Variants in H2AZ1 observed in about 807,000 individuals in gnomAD.
H2AZ1 encodes the protein histone H2A.Z.
A neutral mutation model predicts 16.6 loss-of-function variants in H2AZ1; 3 were observed. The ratio of observed to expected loss-of-function variants is 0.18; its 90% CI spans 0.08 to 0.47. The LOEUF (loss-of-function observed/expected upper bound fraction) is 0.47, where lower values mean the gene tolerates loss of function less well. Among genes scored for constraint, H2AZ1 ranks in the 20% least tolerant of loss-of-function variants. The pLI is 0.98. For missense variants in H2AZ1, 27 were observed against 163.6 expected, an observed-to-expected ratio of 0.17 and a Z score of 4.55; for synonymous variants, 78 against 60.7, an observed-to-expected ratio of 1.28 and a Z score of -1.32.
intron 3 of H2AZ1, 86 bp from the exon 4 acceptor site, chr4:99,949,026 C>G: frequency 1.2e-6 from 1 of 829,072 alleles, no homozygotes; most frequent in Non-Finnish European, 2.1e-6. Flanking sequence ...AAACGCAGAT[C>G]TACCAACTGG....
chr4:99,948,961 G>A, intron 3 of H2AZ1, 21 bp from the exon 4 acceptor site: 1 of 1,401,348 alleles, frequency 7.1e-7, no homozygotes, highest in Middle Eastern at 1.8e-4. Flanking sequence ...GAATCTGTCA[G>A]TTGCCTTCCA....
Position 99,950,152 on chromosome 4 carries a change from T to C in H2AZ1, c.3+16A>G, listed in dbSNP as rs1191391436. The C allele has an allele frequency of 6.2e-7, 1 of 1,608,692 alleles. No homozygotes were observed. The highest frequency in any genetic ancestry group is 1.3e-5 in the African/African-American group (1 of 74,940). ...CAAAAACCCGCGGAGTCATCGAGCGTCTCTGCGAAGTTTACCATTTCGAAT... is the reference window on the plus strand; with the variant it reads ...CAAAAACCCGCGGAGTCATCGAGCGCCTCTGCGAAGTTTACCATTTCGAAT... On this transcript the variant is annotated intron_variant, in intron 1 of 4. Transcript: ENST00000296417.
In H2AZ1 at chr4:99,948,805, A is replaced by C; in HGVS notation, c.325+6T>G. ...AAATTTTTTAAAATGTTAGAAGTTA[A>C]CATACCACCACCAGCAATTGTAGCC... On this transcript the variant is annotated splice_donor_region_variant and intron_variant, in intron 4 of 4. Transcript: ENST00000296417. The C allele has an allele frequency of 6.2e-7, 1 of 1,602,146 alleles. No individual in the cohort carries two copies. The highest frequency in any genetic ancestry group is 8.5e-7 in the Non-Finnish European group (1 of 1,174,510).
intron 1 of H2AZ1, 30 bp from the exon 2 acceptor site, chr4:99,949,770 G>A (rs755278613): frequency 1.2e-5 from 18 of 1,562,874 alleles, no homozygotes; most frequent in Middle Eastern, 2.2e-4. Context: ...GCGAGCGGAG[G>A]AGGAACGGAG....
Position 99,948,489 on chromosome 4 carries a change from C to T in H2AZ1, c.360G>A (p.Gly120=). 6.2e-7 allele frequency: 1 copy of T among 1,601,596 alleles called. No homozygotes were observed. The highest frequency in any genetic ancestry group is 2.2e-5 in the East Asian group (1 of 44,786). ...AGACAGTCTTCTGTTGTCCTTTCTT[C>T]CCAATCAGAGATTTGTGGATGTGTG... The part of the protein sequence containing the change: ...VIPHIHKSLI[G]KKGQQKTV The change falls in exon 5 of 5, where the codon GGG becomes GGA. Residue 120 remains glycine, a synonymous_variant. Coordinates refer to ENST00000296417, the MANE Select transcript of H2AZ1 (RefSeq NM_002106.4).
At chr4:99,949,569 C>A (rs767522659) in intron 2 of H2AZ1, 94 bp downstream of exon 2, 132 of 1,201,884 alleles carry the variant, frequency 1.1e-4, no homozygotes, top group Non-Finnish European at 1.5e-4. Flanking sequence ...ATCACCCACG[C>A]ATACACAAAA....
At chr4:99,950,007 C>T in intron 1 of H2AZ1, 161 bp downstream of exon 1, 1 of 594,746 alleles carries the variant, frequency 1.7e-6, no homozygotes, top group Non-Finnish European at 2.9e-6. Flanking sequence ...AGATCCGAGG[C>T]TGCTCCGCTA....
chr4:99,949,205 C>T, intron 3 of H2AZ1, 68 bp downstream of exon 3: 2 of 932,370 alleles, frequency 2.1e-6, no homozygotes, highest in Non-Finnish European at 3.4e-6. Context: ...GCATCACTTT[C>T]CTCCTTCCCT....
In H2AZ1 at chr4:99,948,264, T is replaced by C; in HGVS notation, c.*198A>G. On this transcript the variant is annotated 3_prime_UTR_variant, in exon 5 of 5. Transcript: ENST00000296417. The stretch of plus-strand genomic sequence containing the variant: ...ATCAATAGCTTCTTTGAAGCCACAG[T>C]AACACTTAAATATGGTTAAGACTCG... 1 of 714,722 alleles carries C rather than the reference T, an allele frequency of 1.4e-6. No homozygotes were observed. Among genetic ancestry groups the C allele is most frequent in the Non-Finnish European group, 2.6e-6 (1 of 387,550 alleles). The allele number at this position is 714,722 out of a possible 1,614,324, so 44.3% of individuals were successfully genotyped here. A position where few individuals can be genotyped will look rare whatever the true frequency, so the allele number is the denominator to read the frequency against.
At position 99,949,157 on chromosome 4, in the gene H2AZ1, T is replaced by A. The variant is rs1013897392; in HGVS notation, c.195+116A>T. 3 of 680,914 alleles carry A rather than the reference T, an allele frequency of 4.4e-6. No homozygotes were observed. In the African/African-American group the frequency reaches 5.4e-5, roughly 12 times the overall value. 42.2% of individuals were successfully genotyped at this position (680,914 alleles called of 1,614,324 possible). ...ACACCAGCTCCCTCTAGCGTTCTCT[T>A]AGGCCTCTCGCCGCGTTCAGGGCCT... is the stretch of plus-strand genomic sequence containing the variant. On this transcript the variant is annotated intron_variant, in intron 3 of 4. Coordinates refer to ENST00000296417, the MANE Select transcript of H2AZ1 (RefSeq NM_002106.4).
Position 99,949,755 on chromosome 4 carries a change from C to G in H2AZ1, c.4-15G>C, listed in dbSNP as rs1303156633. On this transcript the variant is annotated splice_polypyrimidine_tract_variant and intron_variant, in intron 1 of 4. Transcript: ENST00000296417. ...TTACCGCCAGCCTGCGGCGCGCACA[C>G]GCCCGCGAGCGGAGGAGGAACGGAG... The G allele has an allele frequency of 6.3e-7, 1 of 1,597,684 alleles. No homozygotes were observed. Among genetic ancestry groups the G allele is most frequent in the Admixed American group, 1.7e-5 (1 of 57,928 alleles).
intron 1 of H2AZ1, 118 bp from the exon 2 acceptor site, chr4:99,949,858 G>C: frequency 4.0e-6 from 2 of 494,670 alleles, no homozygotes; most frequent in Non-Finnish European, 6.0e-6. Context: ...GCACCCTGCC[G>C]GGGTCTCCGG....
In H2AZ1 at chr4:99,948,286, C is replaced by G. The variant is rs529141527; in HGVS notation, c.*176G>C. On this transcript the variant is annotated 3_prime_UTR_variant, in exon 5 of 5. Transcript: ENST00000296417. ...CAGTAACACTTAAATATGGTTAAGA[C>G]TCGAATGCAGAAATTTGGTTGGTTG... The G allele has an allele frequency of 4.2e-6, 3 of 721,376 alleles. No homozygotes were observed. The Admixed American group carries it at 5.9e-5, about 14-fold the overall frequency. The allele number at this position is 721,376 out of a possible 1,614,324, so 44.7% of individuals were successfully genotyped here.
Position 99,948,224 on chromosome 4 carries a change from A to C in H2AZ1, c.*238T>G, listed in dbSNP as rs11554390. ...TTTAAAAACAGTCAACTCAATCAAA[A>C]CCCACTACTTCAGAATCAATAGCTT... On this transcript the variant is annotated 3_prime_UTR_variant, in exon 5 of 5. Transcript: ENST00000296417. 2.3e-5 allele frequency: 16 copies of C among 684,136 alleles called. No homozygotes were observed. The Admixed American group carries it at 2.9e-4, about 12-fold the overall frequency. The allele number at this position is 684,136 out of a possible 1,614,324, so 42.4% of individuals were successfully genotyped here. A position where few individuals can be genotyped will look rare whatever the true frequency, so the allele number is the denominator to read the frequency against.
chr4:99,949,614 A>T, intron 2 of H2AZ1, 49 bp downstream of exon 2: 1 of 1,539,652 alleles, frequency 6.5e-7, no homozygotes, highest in Middle Eastern at 1.7e-4. Context: ...AAAAAAGGAA[A>T]TGCAAAGAAA....
intron 3 of H2AZ1, 118 bp from the exon 4 acceptor site, chr4:99,949,058 T>A (rs1002192955): frequency 9.4e-6 from 7 of 745,050 alleles, no homozygotes; most frequent in Non-Finnish European, 1.4e-5. Context: ...ACTATCTGAC[T>A]GGCAAGATAT....
Position 99,948,798 on chromosome 4 carries a change from G to T in H2AZ1, c.325+13C>A, listed in dbSNP as rs540936185. 1.9e-6 allele frequency: 3 copies of T among 1,594,712 alleles called. No individual in the cohort carries two copies. The highest frequency in any genetic ancestry group is 1.8e-5 in the Admixed American group (1 of 55,176). ...TCTGAAGAAATTTTTTAAAATGTTA[G>T]AAGTTAACATACCACCACCAGCAAT... On this transcript the variant is annotated intron_variant, in intron 4 of 4. Transcript: ENST00000296417.
At position 99,948,310 on chromosome 4, in the gene H2AZ1, T is replaced by G. The variant is rs1215882890; in HGVS notation, c.*152A>C. 1 of 727,182 alleles carries G rather than the reference T, an allele frequency of 1.4e-6. No individual in the cohort carries two copies. The highest frequency in any genetic ancestry group is 1.8e-5 in the African/African-American group (1 of 57,138). The allele number at this position is 727,182 out of a possible 1,614,324, so 45.0% of individuals were successfully genotyped here. ...ACTCGAATGCAGAAATTTGGTTGGTTGGAAAGCTAATTAAACTTCCAACTT... is the reference window on the plus strand; with the variant it reads ...ACTCGAATGCAGAAATTTGGTTGGTGGGAAAGCTAATTAAACTTCCAACTT... On this transcript the variant is annotated 3_prime_UTR_variant, in exon 5 of 5. Transcript: ENST00000296417.
chr4:99,949,582 C>G lies in H2AZ1; in HGVS notation c.81+81G>C, dbSNP rs559249020. On this transcript the variant is annotated intron_variant, in intron 2 of 4. Coordinates refer to ENST00000296417, the MANE Select transcript of H2AZ1 (RefSeq NM_002106.4). The stretch of plus-strand genomic sequence containing the variant: ...GCATCACCCACGCATACACAAAACG[C>G]CCATCGAGAGCGATGAATAACAAAA... The G allele has an allele frequency of 9.7e-6, 13 of 1,336,270 alleles. 1 individual carries two copies. The South Asian group carries it at 1.4e-4, about 14-fold the overall frequency. 82.8% of individuals were successfully genotyped at this position (1,336,270 alleles called of 1,614,324 possible).
Sources: allele counts gnomAD v4.1 joint callset, GRCh38; gene constraint gnomAD v4.1.1; transcripts MANE v1.5; gene names NCBI Gene and HGNC (gene_info 2026-07-23, HGNC 2026-07-21).